Variants in HCN1 observed in about 807,000 individuals in gnomAD.
The protein encoded by HCN1 is hyperpolarization activated cyclic nucleotide gated potassium channel 1.
A neutral mutation model predicts 78.9 loss-of-function variants in HCN1; 13 were observed. The ratio of observed to expected loss-of-function variants is 0.16; its 90% CI spans 0.11 to 0.26. The LOEUF (loss-of-function observed/expected upper bound fraction) is 0.26. Ranked by LOEUF, HCN1 falls within the 10% of genes least tolerant of loss-of-function variation. The probability of loss-of-function intolerance (pLI) is 1.00; values close to 1 mark genes in which losing one functional copy is unlikely to be tolerated. For missense variants in HCN1, 810 were observed against 1,154.3 expected, an observed-to-expected ratio of 0.70 and a Z score of 4.32; for synonymous variants, 552 against 455.5, an observed-to-expected ratio of 1.21 and a Z score of -2.70.
intron 6 of HCN1, among the ~76,000 whole-genome samples, chr5:45,280,038 T>A (rs1273545200): frequency 6.6e-6 from 1 of 152,106 alleles, no homozygotes; most frequent in African/African-American, 2.4e-5. Context: ...TATAATTTAT[T>A]ATAATACCAT....
At chr5:45,412,152 T>C (rs1740037006) in intron 3 of HCN1, among the ~76,000 whole-genome samples, 1 of 152,154 alleles carries the variant, frequency 6.6e-6, no homozygotes, top group Admixed American at 6.6e-5. Context: ...CAAAGCTTAA[T>C]GATTTCTCTT....
chr5:45,390,355 G>A (rs1490451532), intron 4 of HCN1, among the ~76,000 whole-genome samples: 1 of 152,128 alleles, frequency 6.6e-6, no homozygotes, highest in Non-Finnish European at 1.5e-5. Context: ...TACAAATACA[G>A]TAAGAATACT....
At chr5:45,588,571 C>T (rs921296811) in intron 2 of HCN1, among the ~76,000 whole-genome samples, 1 of 152,152 alleles carries the variant, frequency 6.6e-6, no homozygotes, top group Non-Finnish European at 1.5e-5. Context: ...CCCTACTCAC[C>T]TCCTGCCCCA....
chr5:45,463,267 C>T (rs1741201661), intron 2 of HCN1, among the ~76,000 whole-genome samples: 2 of 151,894 alleles, frequency 1.3e-5, no homozygotes, highest in African/African-American at 4.8e-5. Context: ...GACAGGGCAT[C>T]TGTGATTTTG....
In HCN1 at chr5:45,618,278, C is replaced by A. The variant is rs929004576; in HGVS notation, c.849+26907G>T. 2.0e-5 allele frequency among the ~76,000 whole-genome samples: 3 copies of A among 151,736 alleles called. 1 individual carries two copies. The South Asian group carries it at 6.2e-4, about 32-fold the overall frequency. ...TTGTGGTGAGGGGTGGGGATGAATA[C>A]TAAAGAAAGGGACACGGAGGTATTC... On this transcript the variant is annotated intron_variant, in intron 2 of 7. Transcript: ENST00000303230.
intron 2 of HCN1, among the ~76,000 whole-genome samples, chr5:45,563,177 C>T (rs900511054): frequency 3.0e-4 from 46 of 152,144 alleles, no homozygotes; most frequent in Admixed American, 2.3e-3. Flanking sequence ...AGGCCGGGTG[C>T]GGTGGCTCAC....
intron 3 of HCN1, among the ~76,000 whole-genome samples, chr5:45,456,601 TA>T (rs1335440573): frequency 1.3e-5 from 2 of 152,000 alleles, no homozygotes; most frequent in Non-Finnish European, 2.9e-5. Flanking sequence ...AGTATAAAAC[TA>T]AAACAAACAT....
chr5:45,509,897 C>T (rs2111754040), intron 2 of HCN1, among the ~76,000 whole-genome samples: 1 of 152,194 alleles, frequency 6.6e-6, no homozygotes, highest in East Asian at 1.9e-4. Context: ...TTCCAAAAAT[C>T]ATCATGGAAA....
At chr5:45,503,767 C>T (rs894788267) in intron 2 of HCN1, among the ~76,000 whole-genome samples, 3 of 150,136 alleles carry the variant, frequency 2.0e-5, no homozygotes, top group East Asian at 2.0e-4. Context: ...TCCCCCCACG[C>T]CAACACAAAT....
chr5:45,290,944 A>C lies in HCN1; in HGVS notation c.1618+12655T>G, dbSNP rs188136477. The stretch of plus-strand genomic sequence containing the variant: ...TTTGGTTTCAAATGTCTTTCACTGA[A>C]ATATAGGTTATTCTTGTCATAATAA... On this transcript the variant is annotated intron_variant, in intron 6 of 7. Coordinates refer to ENST00000303230, the MANE Select transcript of HCN1 (RefSeq NM_021072.4). 7.0e-4 allele frequency among the ~76,000 whole-genome samples: 106 copies of C among 152,196 alleles called. 1 individual carries two copies. In the East Asian group the frequency reaches 0.013, roughly 18 times the overall value.
At chr5:45,486,702 A>G (rs1271626898) in intron 2 of HCN1, among the ~76,000 whole-genome samples, 1 of 152,130 alleles carries the variant, frequency 6.6e-6, no homozygotes, top group East Asian at 1.9e-4. Flanking sequence ...AACTATCTTC[A>G]TAGCTCATCA....
At chr5:45,576,877 A>T (rs750130800) in intron 2 of HCN1, among the ~76,000 whole-genome samples, 3 of 151,986 alleles carry the variant, frequency 2.0e-5, no homozygotes, top group Non-Finnish European at 4.4e-5. Context: ...CCCACCTTTC[A>T]AATTTGTGAA....
chr5:45,537,197 T>G (rs10073636), intron 2 of HCN1, among the ~76,000 whole-genome samples: 69,033 of 152,016 alleles, frequency 0.45, 18,336 homozygotes, highest in Non-Finnish European at 0.57. Context: ...CATCACAAGG[T>G]GCAGTTTCTG....
intron 6 of HCN1, among the ~76,000 whole-genome samples, chr5:45,282,961 A>C (rs1745197540): frequency 6.6e-6 from 1 of 152,164 alleles, no homozygotes; most frequent in Non-Finnish European, 1.5e-5. Flanking sequence ...TTAAATCATC[A>C]GTAATAAAAA....
chr5:45,412,883 C>G (rs1391307178), intron 3 of HCN1, among the ~76,000 whole-genome samples: 3 of 151,960 alleles, frequency 2.0e-5, no homozygotes, highest in African/African-American at 7.2e-5. Flanking sequence ...AGAGGTTGGA[C>G]CCTCCAATTA....
chr5:45,562,157 G>T (rs548160032), intron 2 of HCN1, among the ~76,000 whole-genome samples: 1 of 152,082 alleles, frequency 6.6e-6, no homozygotes, highest in South Asian at 2.1e-4. Flanking sequence ...TTTCTTGGTG[G>T]CCCTGTCCTT....
At chr5:45,289,283 T>G (rs991378117) in intron 6 of HCN1, among the ~76,000 whole-genome samples, 5 of 152,056 alleles carry the variant, frequency 3.3e-5, no homozygotes, top group Non-Finnish European at 5.9e-5. Context: ...TTCACCTTAC[T>G]TTACTTTGGG....
chr5:45,269,414 A>G (rs1318483816), intron 6 of HCN1, among the ~76,000 whole-genome samples: 1 of 151,726 alleles, frequency 6.6e-6, no homozygotes, highest in Admixed American at 6.6e-5. Context: ...CTTTCTCTTT[A>G]CTCTGGAAAC....
chr5:45,526,879 A>C (rs1742746594), intron 2 of HCN1, among the ~76,000 whole-genome samples: 1 of 152,042 alleles, frequency 6.6e-6, no homozygotes, highest in South Asian at 2.1e-4. Flanking sequence ...TATCAGCTTA[A>C]TTACCCCTGC....
Sources: allele counts gnomAD v4.1 joint callset (sites outside exome capture counted in the v4.1 genomes callset), GRCh38; gene constraint gnomAD v4.1.1; transcripts MANE v1.5; gene names NCBI Gene and HGNC (gene_info 2026-07-23, HGNC 2026-07-21).